Variants in SULF1 observed in about 807,000 individuals in gnomAD.
SULF1 encodes sulfatase 1.
In SULF1, 46 loss-of-function variants were observed where a neutral mutation model predicts 110.5. That is an observed-to-expected ratio of 0.42 (90% CI 0.33 to 0.53). The LOEUF (loss-of-function observed/expected upper bound fraction) is 0.53. SULF1 is among the 20% of genes least tolerant of loss of function. The pLI, the probability that SULF1 is intolerant of heterozygous loss-of-function variation, is 0.12. For missense variants in SULF1, 941 were observed against 1,094.2 expected (o/e 0.86, Z 1.98); for synonymous variants, 371 against 387.1 (o/e 0.96, Z 0.49).
At chr8:69,577,140 CGACT>C (rs1399360414) in intron 6 of SULF1, among the ~76,000 whole-genome samples, 4 of 152,196 alleles carry the variant, frequency 2.6e-5, no homozygotes, top group African/African-American at 9.7e-5. Flanking sequence ...CTCAAAGTCT[CGACT>C]CGAAGCAGCT....
chr8:69,547,981 G>A (rs1424351215), intron 3 of SULF1, among the ~76,000 whole-genome samples: 1 of 152,102 alleles, frequency 6.6e-6, no homozygotes, highest in Non-Finnish European at 1.5e-5. Flanking sequence ...TCTTCTCTAA[G>A]TTCATTTATC....
chr8:69,521,646 A>G (rs1304686602), intron 3 of SULF1, among the ~76,000 whole-genome samples: 1 of 152,134 alleles, frequency 6.6e-6, no homozygotes, highest in East Asian at 1.9e-4. Context: ...AGTGGTAGGA[A>G]ATGAAGTCAG....
At chr8:69,481,770 T>C (rs1352481507) in intron 1 of SULF1, among the ~76,000 whole-genome samples, 5 of 152,202 alleles carry the variant, frequency 3.3e-5, no homozygotes, top group African/African-American at 1.2e-4. Context: ...TCCAGCTCCA[T>C]CCATGTCCCT....
At chr8:69,504,742 C>A (rs1209678084) in intron 3 of SULF1, among the ~76,000 whole-genome samples, 1 of 151,954 alleles carries the variant, frequency 6.6e-6, no homozygotes, top group African/African-American at 2.4e-5. Flanking sequence ...AGATCTCTGC[C>A]CCTTTTCAAC....
intron 13 of SULF1, 139 bp downstream of exon 13, chr8:69,605,071 C>T: frequency 8.5e-7 from 1 of 1,175,738 alleles, no homozygotes; most frequent in South Asian, 1.6e-5. Flanking sequence ...CTCACTGAGA[C>T]ACCTCTCCGC....
intron 3 of SULF1, among the ~76,000 whole-genome samples, chr8:69,560,711 T>G (rs1334783592): frequency 2.0e-5 from 3 of 152,262 alleles, no homozygotes; most frequent in Admixed American, 6.5e-5. Context: ...ATTTTGTCTG[T>G]CAGGACTTTT....
intron 1 of SULF1, among the ~76,000 whole-genome samples, chr8:69,494,447 C>A (rs1810186384): frequency 6.6e-6 from 1 of 152,032 alleles, no homozygotes; most frequent in South Asian, 2.1e-4. Context: ...AAAATTATGT[C>A]TTTTTTTAGA....
chr8:69,490,870 T>C (rs1809906748), upstream of SULF1, among the ~76,000 whole-genome samples: 1 of 152,178 alleles, frequency 6.6e-6, no homozygotes, highest in Admixed American at 6.5e-5. Context: ...CAGGAGGGAT[T>C]TGTAAATAGT....
intron 21 of SULF1, 96 bp downstream of exon 21, chr8:69,638,954 A>G: frequency 1.6e-6 from 2 of 1,212,190 alleles, no homozygotes; most frequent in Non-Finnish European, 2.3e-6. Context: ...ACAGAAACAT[A>G]TAATTCAAGA....
rs1563498582 is a variant in SULF1 at position 69,526,863 on chromosome 8, A to G, written c.-134+24895A>G. ...GAAGGGAGGAAGGAAGGAAGGAAAG[A>G]AGGAGGAAGGGAAGGGAAGGGAAGA... On this transcript the variant is annotated intron_variant, in intron 3 of 22. Coordinates refer to ENST00000402687, the MANE Select transcript of SULF1 (RefSeq NM_001128205.2). Among the ~76,000 whole-genome samples, 7 of 145,948 alleles carry G rather than the reference A, an allele frequency of 4.8e-5. No homozygotes were observed. In the South Asian group the frequency reaches 1.4e-3, roughly 28 times the overall value.
chr8:69,588,171 T>G lies in SULF1; in HGVS notation c.565-801T>G, dbSNP rs553975260. Reference sequence around the variant, plus strand: ...GGTGGTTTAAGTTTTCATCTTTTCTTTCCTTTTCATTCCATTTCCTCCCTC... The same window carrying G: ...GGTGGTTTAAGTTTTCATCTTTTCTGTCCTTTTCATTCCATTTCCTCCCTC... On this transcript the variant is annotated intron_variant, in intron 7 of 22. Coordinates refer to ENST00000402687, the MANE Select transcript of SULF1 (RefSeq NM_001128205.2). 2.2e-3 allele frequency among the ~76,000 whole-genome samples: 342 copies of G among 152,320 alleles called. 1 individual carries two copies. Among genetic ancestry groups the G allele is most frequent in the South Asian group, 0.019 (92 of 4,828 alleles).
chr8:69,510,844 T>C (rs1290296044), intron 3 of SULF1, among the ~76,000 whole-genome samples: 1 of 151,948 alleles, frequency 6.6e-6, no homozygotes, highest in Non-Finnish European at 1.5e-5. Flanking sequence ...CTCGAACTCC[T>C]GACCTCAAGT....
At chr8:69,507,301 C>A (rs1177791775) in intron 3 of SULF1, among the ~76,000 whole-genome samples, 1 of 152,172 alleles carries the variant, frequency 6.6e-6, no homozygotes, top group African/African-American at 2.4e-5. Flanking sequence ...GAAGTCACTT[C>A]CCAAGAAGAA....
intron 5 of SULF1, among the ~76,000 whole-genome samples, chr8:69,570,282 A>G (rs1294963826): frequency 6.6e-6 from 1 of 152,210 alleles, no homozygotes; most frequent in Non-Finnish European, 1.5e-5. Context: ...GGATTTCCAT[A>G]AGTGATAATG....
chr8:69,657,414 G>A (rs1347845242), intron 22 of SULF1, among the ~76,000 whole-genome samples: 1 of 152,128 alleles, frequency 6.6e-6, no homozygotes. Context: ...GGGACTTAGG[G>A]GTCCCATCCT....
intron 1 of SULF1, among the ~76,000 whole-genome samples, chr8:69,468,231 T>C (rs995121061): frequency 1.3e-5 from 2 of 152,206 alleles, no homozygotes; most frequent in African/African-American, 4.8e-5. Context: ...AGAGATTCTA[T>C]GAATAATATT....
intron 1 of SULF1, among the ~76,000 whole-genome samples, chr8:69,475,904 A>T (rs544122056): frequency 6.6e-6 from 1 of 152,264 alleles, no homozygotes; most frequent in East Asian, 1.9e-4. Context: ...TTTAAAAAAA[A>T]ATTTTCTCAG....
At chr8:69,563,048 G>A (rs549902572) in intron 3 of SULF1, 1 of 152,380 alleles carries the variant, frequency 6.6e-6, no homozygotes, top group East Asian at 1.9e-4. Flanking sequence ...TTTGTCAGCA[G>A]AAAAGACTCT....
intron 3 of SULF1, among the ~76,000 whole-genome samples, chr8:69,545,837 CTTTTGTTTTG>C (rs1814223416): frequency 6.6e-6 from 1 of 152,096 alleles, no homozygotes; most frequent in South Asian, 2.1e-4. Context: ...CTGATGTTTT[CTTTTGTTTTG>C]TTTTGTTATG....
Sources: allele counts gnomAD v4.1 joint callset (sites outside exome capture counted in the v4.1 genomes callset), GRCh38; gene constraint gnomAD v4.1.1; transcripts MANE v1.5; gene names NCBI Gene and HGNC (gene_info 2026-07-23, HGNC 2026-07-21).